TAFA2: variants seen among roughly 807,000 people sequenced by gnomAD.
TAFA2 encodes the protein chemokine-like protein TAFA-2.
A neutral mutation model predicts 18.8 loss-of-function variants in TAFA2; 7 were observed. The observed-to-expected ratio is 0.37, with a 90% CI of 0.21 to 0.70. The LOEUF (loss-of-function observed/expected upper bound fraction) is 0.70, where lower values mean the gene tolerates loss of function less well. TAFA2 is among the 30% of genes least tolerant of loss of function. The probability of loss-of-function intolerance (pLI) is 0.53; values close to 1 mark genes in which losing one functional copy is unlikely to be tolerated. For synonymous variants in TAFA2, 60 were observed against 54.2 expected, an observed-to-expected ratio of 1.11 and a Z score of -0.47; for missense variants, 122 against 158.1, an observed-to-expected ratio of 0.77 and a Z score of 1.23.
At chr12:62,193,829 C>T (rs2062637526), upstream of TAFA2, among the ~76,000 whole-genome samples, 1 of 152,162 alleles carries the variant, frequency 6.6e-6, no homozygotes, top group African/African-American at 2.4e-5. Context: ...TCCATTCACT[C>T]TGAATTTCTG....
At chr12:62,108,347 T>C (rs1444788051) in intron 1 of TAFA2, among the ~76,000 whole-genome samples, 1 of 152,228 alleles carries the variant, frequency 6.6e-6, no homozygotes, top group Non-Finnish European at 1.5e-5. Context: ...TAGAATTCCA[T>C]GGTGTATATG....
chr12:62,076,160 A>G (rs968150158), intron 1 of TAFA2, among the ~76,000 whole-genome samples: 2 of 152,188 alleles, frequency 1.3e-5, no homozygotes, highest in African/African-American at 4.8e-5. Context: ...GTGTTGTTGT[A>G]TTAAAAGTTA....
At chr12:61,794,337 TTAC>T (rs1179042825) in intron 2 of TAFA2, among the ~76,000 whole-genome samples, 1 of 151,990 alleles carries the variant, frequency 6.6e-6, no homozygotes, top group Non-Finnish European at 1.5e-5. Context: ...TTAATTGAGT[TTAC>T]TATTAACATA....
chr12:62,003,692 A>G (rs1880454316), intron 1 of TAFA2, among the ~76,000 whole-genome samples: 1 of 152,152 alleles, frequency 6.6e-6, no homozygotes, highest in Non-Finnish European at 1.5e-5. Context: ...CCTGTCTACC[A>G]CCACTAGGAT....
intron 1 of TAFA2, chr12:62,234,782 G>A: frequency 1.9e-6 from 2 of 1,051,600 alleles, no homozygotes; most frequent in Non-Finnish European, 1.5e-6. Context: ...GAGCAGGTCT[G>A]GGATGCTCCG....
chr12:61,879,429 C>A, intron 1 of TAFA2: 1 of 700,720 alleles, frequency 1.4e-6, no homozygotes, highest in Non-Finnish European at 2.6e-6. Flanking sequence ...GCTCCTCAAG[C>A]TTCTCCCGAG....
At chr12:61,810,691 T>C (rs941484533) in intron 2 of TAFA2, among the ~76,000 whole-genome samples, 1 of 151,170 alleles carries the variant, frequency 6.6e-6, no homozygotes, top group Non-Finnish European at 1.5e-5. Context: ...GGTGGGGTCA[T>C]GTGATTAATT....
intron 2 of TAFA2, among the ~76,000 whole-genome samples, chr12:61,835,090 A>AG (rs1872865266): frequency 7.4e-6 from 1 of 135,692 alleles, no homozygotes; most frequent in South Asian, 2.6e-4. Flanking sequence ...TCATTGCCTG[A>AG]GGGGAAAAAA....
At chr12:61,789,648 AC>A (rs1214463799) in intron 2 of TAFA2, among the ~76,000 whole-genome samples, 1 of 151,834 alleles carries the variant, frequency 6.6e-6, no homozygotes, top group African/African-American at 2.4e-5. Flanking sequence ...TATGTAATAA[AC>A]CTGCACATTC....
At chr12:61,815,552 A>G (rs1872044808) in intron 2 of TAFA2, among the ~76,000 whole-genome samples, 1 of 150,648 alleles carries the variant, frequency 6.6e-6, no homozygotes, top group Non-Finnish European at 1.5e-5. Context: ...AGTCTCAGCT[A>G]CTCGGGAGGC....
At chr12:61,989,805 G>A (rs1197949744) in intron 1 of TAFA2, among the ~76,000 whole-genome samples, 4 of 152,280 alleles carry the variant, frequency 2.6e-5, no homozygotes, top group South Asian at 2.1e-4. Context: ...TGGAGGAAAC[G>A]ATACCAATTA....
At chr12:62,179,883 C>G (rs982939858) in intron 1 of TAFA2, among the ~76,000 whole-genome samples, 1 of 152,162 alleles carries the variant, frequency 6.6e-6, no homozygotes. Flanking sequence ...TCCCTGACTG[C>G]CAGTTATTCA....
chr12:62,177,124 A>T (rs1055606058), intron 1 of TAFA2, among the ~76,000 whole-genome samples: 1 of 152,284 alleles, frequency 6.6e-6, no homozygotes, highest in African/African-American at 2.4e-5. Flanking sequence ...CATAGAAAGC[A>T]AAGACAACAG....
intron 1 of TAFA2, among the ~76,000 whole-genome samples, chr12:61,955,202 A>G (rs1878609003): frequency 6.6e-6 from 1 of 152,170 alleles, no homozygotes; most frequent in Non-Finnish European, 1.5e-5. Context: ...TGGTGTTAAC[A>G]TAACTTTGGG....
chr12:62,256,732 A>AT (rs1191305352), intron 1 of TAFA2, among the ~76,000 whole-genome samples: 1 of 151,882 alleles, frequency 6.6e-6, no homozygotes, highest in African/African-American at 2.4e-5. Flanking sequence ...ACCCTCCGTA[A>AT]TTTTTTTTAG....
chr12:62,187,734 G>T (rs1261959514), intron 1 of TAFA2, among the ~76,000 whole-genome samples: 6 of 152,088 alleles, frequency 3.9e-5, no homozygotes, highest in African/African-American at 1.4e-4. Flanking sequence ...ATAAGTCAGT[G>T]GCCAATGACA....
At chr12:62,122,917 C>T (rs1187482509) in intron 1 of TAFA2, among the ~76,000 whole-genome samples, 4 of 152,072 alleles carry the variant, frequency 2.6e-5, no homozygotes, top group Non-Finnish European at 5.9e-5. Flanking sequence ...TCTTATGTTG[C>T]TTTTCTACCA....
intron 1 of TAFA2, among the ~76,000 whole-genome samples, chr12:61,881,435 T>C (rs1053826508): frequency 1.3e-5 from 2 of 152,180 alleles, no homozygotes; most frequent in East Asian, 1.9e-4. Context: ...TCTGAGCATA[T>C]CTAATTACAT....
intron 2 of TAFA2, among the ~76,000 whole-genome samples, chr12:61,804,296 T>C (rs7487136): frequency 6.6e-6 from 1 of 152,080 alleles, no homozygotes; most frequent in Non-Finnish European, 1.5e-5. Context: ...CATTATTATG[T>C]CTATCTTTAA....
Sources: gnomAD v4.1 joint callset for allele counts (sites outside exome capture counted in the v4.1 genomes callset) on GRCh38, gnomAD v4.1.1 for gene constraint, MANE v1.5 for transcripts, NCBI Gene and HGNC (gene_info 2026-07-23, HGNC 2026-07-21) for gene names.